The following RUNX1 variants were observed in gnomAD, a reference collection of about 807,000 sequenced individuals.
RUNX1 encodes RUNX family transcription factor 1.
RUNX1 carries 19 observed loss-of-function variants against 42.8 expected under a neutral mutation model. That is an observed-to-expected ratio of 0.44 (90% CI 0.31 to 0.65). The LOEUF (loss-of-function observed/expected upper bound fraction) is 0.65. Ranked by LOEUF, RUNX1 falls within the 30% of genes least tolerant of loss-of-function variation. The pLI is 0.07. For missense variants in RUNX1, 528 were observed against 672.0 expected, an observed-to-expected ratio of 0.79 and a Z score of 2.37; for synonymous variants, 271 against 289.4, an observed-to-expected ratio of 0.94 and a Z score of 0.64.
At chr21:35,041,763 T>A (rs1403014613) in intron 2 of RUNX1, among the ~76,000 whole-genome samples, 1 of 151,490 alleles carries the variant, frequency 6.6e-6, no homozygotes, top group Non-Finnish European at 1.5e-5. Flanking sequence ...GCAACAATCA[T>A]CTGTAACTTG....
chr21:34,972,135 C>T (rs994440323), intron 2 of RUNX1, among the ~76,000 whole-genome samples: 2 of 152,110 alleles, frequency 1.3e-5, no homozygotes, highest in African/African-American at 2.4e-5. Flanking sequence ...CTCATTTTTA[C>T]CAGAAAAACT....
In RUNX1 at chr21:34,792,290, G is replaced by T; in HGVS notation, c.1288C>A (p.Pro430Thr). 6.5e-7 allele frequency: 1 copy of T among 1,542,558 alleles called. No individual in the cohort carries two copies. ...GGERSPPRIL[P>T]PCTNASTGSA... ...CCGGTGGAGGCGTTGGTGCAGGGCG[G>T]CAGGATGCGCGGCGGCGAGCGCTCG... Residue 430 changes from proline (P) to threonine (T), a missense_variant, in exon 9 of 9, where the codon CCG becomes ACG. Around this residue, in one of 3 missense-constraint regions of RUNX1, gnomAD observed 331 missense variants for 382.5 expected, o/e 0.87. Transcript: ENST00000675419. This position sits in a 1 kb window ranked among gnomAD's most constrained non-coding sequence, Gnocchi z 6.9.
At chr21:34,817,863 G>T (rs79852897) in intron 7 of RUNX1, among the ~76,000 whole-genome samples, 4,111 of 152,282 alleles carry the variant, frequency 0.027, 60 homozygotes, top group Middle Eastern at 0.065. Context: ...TACCCAGAAG[G>T]ACTCCTGCCC....
chr21:34,927,567 T>C (rs2058405570), intron 2 of RUNX1, among the ~76,000 whole-genome samples: 1 of 152,206 alleles, frequency 6.6e-6, no homozygotes, highest in Non-Finnish European at 1.5e-5. Flanking sequence ...CCTTTGACTA[T>C]AGATGACTTA....
chr21:34,925,398 G>A (rs539493023), intron 2 of RUNX1, among the ~76,000 whole-genome samples: 1 of 152,138 alleles, frequency 6.6e-6, no homozygotes, highest in Non-Finnish European at 1.5e-5. Flanking sequence ...GTTAAGATGG[G>A]TCATTATGGA....
intron 2 of RUNX1, among the ~76,000 whole-genome samples, chr21:35,030,654 T>C (rs1307784162): frequency 2.0e-5 from 3 of 152,142 alleles, no homozygotes; most frequent in Admixed American, 2.0e-4. Context: ...CTTCTTGCCA[T>C]TGGTCTGGGC....
chr21:34,964,971 C>T (rs370248595), intron 2 of RUNX1, among the ~76,000 whole-genome samples: 11 of 151,432 alleles, frequency 7.3e-5, no homozygotes, highest in African/African-American at 2.0e-4. Context: ...CATTCACACA[C>T]GCACCCTACC....
Position 34,791,311 on chromosome 21 carries a change from G to A in RUNX1, c.*824C>T, listed in dbSNP as rs1184023015. ...GTACTTGATATTTTTCTTAATATAA[G>A]TACATTTAAATAATTAAAAAATTAT... On this transcript the variant is annotated 3_prime_UTR_variant, in exon 9 of 9. Transcript: ENST00000675419. 1 of 231,386 alleles carries A rather than the reference G, an allele frequency of 4.3e-6. No individual in the cohort carries two copies. Among genetic ancestry groups the A allele is most frequent in the Non-Finnish European group, 8.6e-6 (1 of 116,904 alleles). 14.3% of individuals were successfully genotyped at this position (231,386 alleles called of 1,614,324 possible). A position where few individuals can be genotyped will look rare whatever the true frequency, so the allele number is the denominator to read the frequency against.
chr21:34,991,556 T>A (rs1387714481), intron 2 of RUNX1, among the ~76,000 whole-genome samples: 1 of 152,026 alleles, frequency 6.6e-6, no homozygotes, highest in East Asian at 1.9e-4. Context: ...ATGATGATGA[T>A]GATGATGATG....
chr21:34,972,209 C>A (rs1170451664), intron 2 of RUNX1, among the ~76,000 whole-genome samples: 3 of 152,158 alleles, frequency 2.0e-5, no homozygotes, highest in African/African-American at 7.2e-5. Flanking sequence ...AACTAAGGAG[C>A]CCAACATTGA....
chr21:34,888,090 T>C (rs1329940100), intron 3 of RUNX1: 13 of 1,066,206 alleles, frequency 1.2e-5, no homozygotes, highest in South Asian at 9.1e-5. Flanking sequence ...GTCACACACA[T>C]GCAAACACGC....
intron 3 of RUNX1, 182 bp from the exon 4 acceptor site, chr21:34,887,278 C>T: frequency 7.0e-7 from 1 of 1,435,512 alleles, no homozygotes; most frequent in Non-Finnish European, 9.2e-7. Context: ...AGGAGGGAGA[C>T]TAAGTTACTA....
intron 7 of RUNX1, among the ~76,000 whole-genome samples, chr21:34,824,160 T>C (rs1161992778): frequency 2.0e-5 from 3 of 152,202 alleles, no homozygotes; most frequent in Non-Finnish European, 4.4e-5. Context: ...TGTTCTATTT[T>C]TTCTTAAAAC....
intron 2 of RUNX1, among the ~76,000 whole-genome samples, chr21:35,024,537 C>T (rs2059222053): frequency 6.6e-6 from 1 of 152,118 alleles, no homozygotes; most frequent in African/African-American, 2.4e-5. Flanking sequence ...GGGCATTCTT[C>T]AAAAGACTTA....
intron 2 of RUNX1, among the ~76,000 whole-genome samples, chr21:34,993,733 A>G (rs1346385609): frequency 1.4e-4 from 19 of 133,872 alleles, no homozygotes; most frequent in African/African-American, 6.9e-4. Flanking sequence ...ACACACACAG[A>G]CACACAGAGA....
chr21:34,888,358 G>C (rs2058028330), intron 3 of RUNX1: 2 of 1,067,518 alleles, frequency 1.9e-6, no homozygotes, highest in African/African-American at 1.6e-5. Flanking sequence ...CCACGCACAC[G>C]CAACTTCACG....
At chr21:35,044,933 T>C (rs186822870) in intron 2 of RUNX1, among the ~76,000 whole-genome samples, 517 of 152,324 alleles carry the variant, frequency 3.4e-3, no homozygotes, top group Non-Finnish European at 5.7e-3. Context: ...CTGCTACTGG[T>C]TGCTCCATGC....
At chr21:34,820,936 C>T (rs767707452) in intron 7 of RUNX1, among the ~76,000 whole-genome samples, 7 of 152,122 alleles carry the variant, frequency 4.6e-5, no homozygotes, top group African/African-American at 9.7e-5. Context: ...GCCTCTAGTT[C>T]GGAAAATCAC....
At chr21:34,982,800 C>T (rs1470401847) in intron 2 of RUNX1, among the ~76,000 whole-genome samples, 1 of 152,152 alleles carries the variant, frequency 6.6e-6, no homozygotes. Context: ...GACCTCCTGA[C>T]CTTGGGATCC....
Sources: gnomAD v4.1 joint callset for allele counts (sites outside exome capture counted in the v4.1 genomes callset) on GRCh38, gnomAD v4.1.1 for gene constraint, gnomAD v4.1.1 regional missense constraint, Gnocchi (gnomAD v3.1) non-coding constraint, MANE v1.5 for transcripts, NCBI Gene and HGNC (gene_info 2026-07-23, HGNC 2026-07-21) for gene names.